Variants in DPT observed in about 807,000 individuals in gnomAD.
DPT encodes tyrosine-rich acidic matrix protein.
A neutral mutation model predicts 31.2 loss-of-function variants in DPT; 21 were observed. That is an observed-to-expected ratio of 0.67 (90% CI 0.48 to 0.97). The LOEUF is 0.97. DPT is among the 50% of genes least tolerant of loss of function. DPT has a pLI of 0.00. For synonymous variants in DPT, 91 were observed against 86.9 expected (o/e 1.05, Z -0.26); for missense variants, 262 against 258.8 (o/e 1.01, Z -0.08).
At position 168,724,818 on chromosome 1, in the gene DPT, C is replaced by A. The variant is rs371112035; in HGVS notation, c.305+4052G>T. Among the ~76,000 whole-genome samples the A allele has an allele frequency of 7.5e-5, 11 of 146,224 alleles. 1 individual carries two copies. The South Asian group carries it at 9.1e-4, about 12-fold the overall frequency. On this transcript the variant is annotated intron_variant, in intron 1 of 3. Coordinates refer to ENST00000367817, the MANE Select transcript of DPT (RefSeq NM_001937.5). ...CTCCACCTTCAAATGCACCTCGATG[C>A]TGCCATAGCCCTGTTGCATAGATTC...
At chr1:168,718,318 C>G (rs1215126197) in intron 1 of DPT, among the ~76,000 whole-genome samples, 1 of 152,262 alleles carries the variant, frequency 6.6e-6, no homozygotes, top group African/African-American at 2.4e-5. Flanking sequence ...TCCCCGCCAG[C>G]TGTTGGCCAG....
Position 168,695,999 on chromosome 1 carries a change from C to G in DPT, c.*550G>C. On this transcript the variant is annotated 3_prime_UTR_variant, in exon 4 of 4. Coordinates refer to ENST00000367817, the MANE Select transcript of DPT (RefSeq NM_001937.5). ...CCCATTTCACCTCCCAGTCTCCTCA[C>G]TCCTGGAGCAAAGAGCTCTGCACTT... 2.5e-6 allele frequency: 1 copy of G among 392,504 alleles called. No homozygotes were observed. The highest frequency in any genetic ancestry group is 4.5e-6 in the Non-Finnish European group (1 of 222,782). The allele number at this position is 392,504 out of a possible 1,614,324, so 24.3% of individuals were successfully genotyped here.
intron 2 of DPT, among the ~76,000 whole-genome samples, chr1:168,703,083 G>A (rs554506281): frequency 1.4e-4 from 22 of 152,140 alleles, no homozygotes; most frequent in Non-Finnish European, 2.5e-4. Context: ...GTGGGAGGGG[G>A]TGTGTGTTTT....
chr1:168,724,466 A>G (rs1001822722), intron 1 of DPT, among the ~76,000 whole-genome samples: 3 of 152,146 alleles, frequency 2.0e-5, no homozygotes, highest in Middle Eastern at 3.2e-3. Context: ...GCACTTGTCT[A>G]GGCACTGGGG....
chr1:168,706,292 A>G (rs773758857), intron 2 of DPT, among the ~76,000 whole-genome samples: 16 of 152,200 alleles, frequency 1.1e-4, no homozygotes, highest in Admixed American at 9.2e-4. Flanking sequence ...TCAGCTAAAA[A>G]GATGTCCCTT....
At chr1:168,718,423 A>G (rs1650033517) in intron 1 of DPT, among the ~76,000 whole-genome samples, 1 of 152,250 alleles carries the variant, frequency 6.6e-6, no homozygotes, top group South Asian at 2.1e-4. Flanking sequence ...TGGACCCTAC[A>G]GACTCAGAGC....
rs367953244 is a variant in DPT at position 168,707,399 on chromosome 1, G to A, written c.432-6275C>T. Among the ~76,000 whole-genome samples the A allele has an allele frequency of 3.3e-5, 5 of 152,164 alleles. No individual in the cohort carries two copies. The East Asian group carries it at 9.6e-4, about 29-fold the overall frequency. ...CTAGAATCTATTATAGTAGAGGGAAGCAGACTAGATAGAATAAAGCATCAG... is the reference window on the plus strand; with the variant it reads ...CTAGAATCTATTATAGTAGAGGGAAACAGACTAGATAGAATAAAGCATCAG... On this transcript the variant is annotated intron_variant, in intron 2 of 3. Coordinates refer to ENST00000367817, the MANE Select transcript of DPT (RefSeq NM_001937.5).
intron 2 of DPT, among the ~76,000 whole-genome samples, chr1:168,706,381 C>T (rs2101902059): frequency 6.6e-6 from 1 of 152,306 alleles, no homozygotes; most frequent in East Asian, 1.9e-4. Flanking sequence ...AATGCTTTTC[C>T]AAGTAAGCTA....
chr1:168,718,294 C>G (rs951932811), intron 1 of DPT, among the ~76,000 whole-genome samples: 3 of 152,222 alleles, frequency 2.0e-5, no homozygotes, highest in Admixed American at 1.3e-4. Flanking sequence ...GAAGGCAATC[C>G]AAGTTCCACA....
chr1:168,728,596 G>C (rs1488190261), intron 1 of DPT, among the ~76,000 whole-genome samples: 1 of 152,212 alleles, frequency 6.6e-6, no homozygotes, highest in African/African-American at 2.4e-5. Context: ...ACCAGCCCCT[G>C]GCCCAAACTG....
At chr1:168,706,555 G>A (rs945878695) in intron 2 of DPT, among the ~76,000 whole-genome samples, 2 of 152,200 alleles carry the variant, frequency 1.3e-5, no homozygotes, top group Non-Finnish European at 2.9e-5. Context: ...CTTCCCACAA[G>A]AGCTGGGGAT....
intron 1 of DPT, among the ~76,000 whole-genome samples, chr1:168,714,687 C>G (rs1175425856): frequency 6.6e-6 from 1 of 151,972 alleles, no homozygotes; most frequent in East Asian, 1.9e-4. Flanking sequence ...TTATTCATGC[C>G]ATTTAAAATA....
At chr1:168,728,066 G>A (rs1049562770) in intron 1 of DPT, among the ~76,000 whole-genome samples, 20 of 152,160 alleles carry the variant, frequency 1.3e-4, no homozygotes, top group Non-Finnish European at 1.8e-4. Context: ...TCCTGACCAA[G>A]CACCTGGGCT....
At position 168,697,920 on chromosome 1, in the gene DPT, A is replaced by G. The variant is rs368500720; in HGVS notation, c.540-1305T>C. Among the ~76,000 whole-genome samples, 9 of 152,352 alleles carry G rather than the reference A, an allele frequency of 5.9e-5. 1 individual carries two copies. Among genetic ancestry groups the G allele is most frequent in the East Asian group, 5.8e-4 (3 of 5,190 alleles). On this transcript the variant is annotated intron_variant, in intron 3 of 3. Transcript: ENST00000367817. ...ACTAGGTAATCTTAAGCCCAGAAGAACACGTGGCTGCCATGCCCTTTGCAC... is the reference window on the plus strand; with the variant it reads ...ACTAGGTAATCTTAAGCCCAGAAGAGCACGTGGCTGCCATGCCCTTTGCAC...
At chr1:168,714,099 T>G (rs945299850) in intron 2 of DPT, 122 bp downstream of exon 2, 20 of 1,320,162 alleles carry the variant, frequency 1.5e-5, no homozygotes, top group Non-Finnish European at 1.9e-5. Flanking sequence ...CATTCTTGTC[T>G]ATATGCCAGC....
At chr1:168,711,384 G>A (rs1474042413) in intron 2 of DPT, among the ~76,000 whole-genome samples, 4 of 152,070 alleles carry the variant, frequency 2.6e-5, no homozygotes, top group Non-Finnish European at 4.4e-5. Context: ...AAAGCCTTGA[G>A]GCCCAAGCCC....
intron 2 of DPT, among the ~76,000 whole-genome samples, chr1:168,712,462 T>A (rs143569202): frequency 6.6e-6 from 1 of 152,334 alleles, no homozygotes; most frequent in African/African-American, 2.4e-5. Context: ...ATTCACTGAC[T>A]GAGTATTAGG....
In DPT at chr1:168,696,364, G is replaced by A; in HGVS notation, c.*185C>T. On this transcript the variant is annotated 3_prime_UTR_variant, in exon 4 of 4. Transcript: ENST00000367817. ...AAAGTGAGAAACATGGTTTAATTGT[G>A]GATTTTATTAGAAGTGTGATACTAG... The A allele has an allele frequency of 1.7e-6, 1 of 591,816 alleles. No individual in the cohort carries two copies. Among genetic ancestry groups the A allele is most frequent in the Non-Finnish European group, 3.0e-6 (1 of 334,876 alleles). 36.7% of individuals were successfully genotyped at this position (591,816 alleles called of 1,614,324 possible).
intron 1 of DPT, among the ~76,000 whole-genome samples, chr1:168,725,309 C>T (rs115780480): frequency 0.015 from 2,063 of 139,086 alleles, 57 homozygotes; most frequent in African/African-American, 0.053. Flanking sequence ...TCCTTCCTTC[C>T]TCCCTCCCTC....
Sources: allele counts gnomAD v4.1 joint callset (sites outside exome capture counted in the v4.1 genomes callset), GRCh38; gene constraint gnomAD v4.1.1; transcripts MANE v1.5; gene names NCBI Gene and HGNC (gene_info 2026-07-23, HGNC 2026-07-21).